The following KIAA1217 variants were observed in gnomAD, a reference collection of about 807,000 sequenced individuals.
The protein encoded by KIAA1217 is KIAA1217, also known as sickle tail protein homolog.
A neutral mutation model predicts 163.9 loss-of-function variants in KIAA1217; 88 were observed. The ratio of observed to expected loss-of-function variants is 0.54; its 90% CI spans 0.45 to 0.64. The LOEUF is 0.64. KIAA1217 is among the 30% of genes least tolerant of loss of function. KIAA1217 has a pLI of 0.00. For synonymous variants in KIAA1217, 903 were observed against 923.1 expected (o/e 0.98, Z 0.39); for missense variants, 2,372 against 2,475.0 (o/e 0.96, Z 0.88).
At chr10:24,402,430 A>AC (rs2056646590) in intron 3 of KIAA1217, among the ~76,000 whole-genome samples, 1 of 150,296 alleles carries the variant, frequency 6.7e-6, no homozygotes, top group East Asian at 2.0e-4. Context: ...AATGGCGTGA[A>AC]CCCGGGAGGC....
chr10:24,002,491 C>A (rs1589218803), intron 1 of KIAA1217, among the ~76,000 whole-genome samples: 2 of 152,168 alleles, frequency 1.3e-5, no homozygotes, highest in East Asian at 3.8e-4. Flanking sequence ...CTCAGATGCC[C>A]AGTGGGTCCA....
chr10:24,037,611 C>T (rs185132457), intron 2 of KIAA1217, among the ~76,000 whole-genome samples: 9 of 152,310 alleles, frequency 5.9e-5, no homozygotes, highest in Admixed American at 2.0e-4. Context: ...AGTAGATGGG[C>T]AAGTTGCCTG....
At chr10:23,694,899 G>A (rs1048706915) in exon 1 of KIAA1217, 7 of 152,664 alleles carry the variant, frequency 4.6e-5, no homozygotes, top group African/African-American at 1.7e-4. Flanking sequence ...TCGTTTCCGG[G>A]GGAGGACGGA....
At chr10:24,055,479 G>A (rs996091670) in intron 2 of KIAA1217, among the ~76,000 whole-genome samples, 3 of 152,086 alleles carry the variant, frequency 2.0e-5, no homozygotes, top group Admixed American at 2.0e-4. Flanking sequence ...TCCTCCTGAA[G>A]AAGAAAGACT....
chr10:23,930,820 G>T (rs188030914), intron 1 of KIAA1217, among the ~76,000 whole-genome samples: 28 of 152,282 alleles, frequency 1.8e-4, no homozygotes, highest in African/African-American at 6.7e-4. Flanking sequence ...TGGATTTCCT[G>T]CCCTTAACAA....
rs919794539 is a variant in KIAA1217, at chr10:24,067,203, G to A, written c.-171+59829G>A. ...GCTGGTGAGGAGCTGCGTTCCTTTG[G>A]AGGAGGAGAGGCACTCTGATTTTTA... On this transcript the variant is annotated intron_variant, in intron 2 of 18. Coordinates refer to the KIAA1217 transcript ENST00000376462. Among the ~76,000 whole-genome samples the A allele has an allele frequency of 2.0e-5, 3 of 152,116 alleles. No homozygotes were observed. The East Asian group carries it at 5.8e-4, about 29-fold the overall frequency.
At chr10:24,044,218 A>G (rs1242001489) in intron 2 of KIAA1217, among the ~76,000 whole-genome samples, 1 of 152,180 alleles carries the variant, frequency 6.6e-6, no homozygotes, top group Non-Finnish European at 1.5e-5. Context: ...ATAGTTGGCA[A>G]ATCGGACTAT....
intron 1 of KIAA1217, among the ~76,000 whole-genome samples, chr10:23,696,684 T>C (rs1024995279): frequency 3.3e-5 from 5 of 152,184 alleles, no homozygotes; most frequent in Admixed American, 6.5e-5. Context: ...TGAAGATGCT[T>C]GCTCTACAGG....
intron 1 of KIAA1217, among the ~76,000 whole-genome samples, chr10:23,847,079 T>C (rs11013751): frequency 0.18 from 26,657 of 152,168 alleles, 2,476 homozygotes; most frequent in Middle Eastern, 0.21. Flanking sequence ...CTCCCAGGTA[T>C]GAAGCCAACT....
chr10:24,422,031 A>T (rs1398503906), intron 3 of KIAA1217, among the ~76,000 whole-genome samples: 1 of 152,190 alleles, frequency 6.6e-6, no homozygotes, highest in Non-Finnish European at 1.5e-5. Context: ...AGGCCTCATA[A>T]TCATGGCAGA....
At chr10:24,019,288 A>G (rs895550184) in intron 2 of KIAA1217, among the ~76,000 whole-genome samples, 4 of 152,112 alleles carry the variant, frequency 2.6e-5, no homozygotes, top group African/African-American at 9.7e-5. Flanking sequence ...CATATATCAA[A>G]ACATTGTTAT....
chr10:24,039,512 T>A (rs1239177641), intron 2 of KIAA1217, among the ~76,000 whole-genome samples: 1 of 152,084 alleles, frequency 6.6e-6, no homozygotes. Flanking sequence ...ACAGATACTC[T>A]ATAGTGTTTT....
At chr10:23,706,971 T>A (rs868437560) in intron 1 of KIAA1217, among the ~76,000 whole-genome samples, 4 of 152,212 alleles carry the variant, frequency 2.6e-5, no homozygotes, top group African/African-American at 2.4e-5. Flanking sequence ...GTATATCCTA[T>A]GTAAAGAATG....
intron 1 of KIAA1217, among the ~76,000 whole-genome samples, chr10:23,796,535 G>C (rs1846550306): frequency 6.6e-6 from 1 of 151,952 alleles, no homozygotes; most frequent in African/African-American, 2.4e-5. Flanking sequence ...GTTAATTTTT[G>C]TATTTTTAGT....
At chr10:24,079,333 T>A (rs1235471342) in intron 2 of KIAA1217, among the ~76,000 whole-genome samples, 1 of 152,194 alleles carries the variant, frequency 6.6e-6, no homozygotes, top group Non-Finnish European at 1.5e-5. Flanking sequence ...TATGCCCCCA[T>A]GGAGGGCCAT....
chr10:24,203,501 C>A (rs1275589833), intron 2 of KIAA1217, among the ~76,000 whole-genome samples: 1 of 152,096 alleles, frequency 6.6e-6, no homozygotes, highest in Non-Finnish European at 1.5e-5. Flanking sequence ...AAGTGTACTC[C>A]ATGATCCTAG....
At chr10:24,015,765 A>G (rs1479486676) in intron 2 of KIAA1217, among the ~76,000 whole-genome samples, 1 of 151,684 alleles carries the variant, frequency 6.6e-6, no homozygotes, top group Admixed American at 6.6e-5. Context: ...AAAAAAAAAA[A>G]AAGAAAAAGA....
At chr10:23,765,165 TTTG>T (rs1269577127) in intron 1 of KIAA1217, among the ~76,000 whole-genome samples, 1 of 151,202 alleles carries the variant, frequency 6.6e-6, no homozygotes, top group Non-Finnish European at 1.5e-5. Flanking sequence ...AATTTTTTCT[TTTG>T]TTTTCCCTTT....
At chr10:23,824,500 G>GTAAGC (rs1460552082) in intron 1 of KIAA1217, among the ~76,000 whole-genome samples, 41,340 of 144,460 alleles carry the variant, frequency 0.29, 7,050 homozygotes, top group African/African-American at 0.44. Context: ...TGGTGACATG[G>GTAAGC]GCCTCTAATC....
Sources: gnomAD v4.1 joint callset for allele counts (sites outside exome capture counted in the v4.1 genomes callset) on GRCh38, gnomAD v4.1.1 for gene constraint, MANE v1.5 for transcripts, NCBI Gene and HGNC (gene_info 2026-07-23, HGNC 2026-07-21) for gene names.